The following PCDH9 variants were observed in gnomAD, a reference collection of about 807,000 sequenced individuals.
The protein encoded by PCDH9 is protocadherin 9, also known as protocadherin-9.
In PCDH9, 24 loss-of-function variants were observed where a neutral mutation model predicts 70.6. That is an observed-to-expected ratio of 0.34 (90% CI 0.25 to 0.48). The LOEUF is 0.48. Among genes scored for constraint, PCDH9 ranks in the 20% least tolerant of loss-of-function variants. PCDH9 has a pLI of 0.99. For synonymous variants in PCDH9, 562 were observed against 558.5 expected, an observed-to-expected ratio of 1.01 and a Z score of -0.09; for missense variants, 1,281 against 1,503.6, an observed-to-expected ratio of 0.85 and a Z score of 2.45.
intron 2 of PCDH9, among the ~76,000 whole-genome samples, chr13:67,069,416 T>C (rs2085714096): frequency 6.6e-6 from 1 of 152,208 alleles, no homozygotes; most frequent in Non-Finnish European, 1.5e-5. Context: ...TTTGAAATTC[T>C]ATTCACCTGT....
chr13:66,637,923 A>C (rs1482766553), intron 3 of PCDH9, among the ~76,000 whole-genome samples: 1 of 152,168 alleles, frequency 6.6e-6, no homozygotes, highest in Non-Finnish European at 1.5e-5. Context: ...CAAAAAAAAA[A>C]AAAAGAAATT....
rs1252438786 is a variant in PCDH9, at chr13:66,310,932, C to T, written c.3341-5904G>A. Among the ~76,000 whole-genome samples the T allele has an allele frequency of 2.6e-5, 4 of 151,904 alleles. No homozygotes were observed. In the South Asian group the frequency reaches 6.2e-4, roughly 24 times the overall value. ...ACTATTTTTATGCAAAACGTTTGTT[C>T]CTAAGTTCCAATTTCACTGTATTTC... On this transcript the variant is annotated intron_variant, in intron 4 of 4. Coordinates refer to ENST00000377865, the MANE Select transcript of PCDH9 (RefSeq NM_203487.3).
At chr13:66,927,206 T>TA (rs1431757752) in intron 2 of PCDH9, among the ~76,000 whole-genome samples, 2 of 151,962 alleles carry the variant, frequency 1.3e-5, no homozygotes, top group South Asian at 4.1e-4. Flanking sequence ...ACCGGTGGCT[T>TA]AAAAAACAAA....
intron 4 of PCDH9, among the ~76,000 whole-genome samples, chr13:66,424,848 A>G (rs999725015): frequency 3.9e-5 from 6 of 151,922 alleles, no homozygotes; most frequent in Admixed American, 3.9e-4. Context: ...CTTTTGAATG[A>G]TTTTGGTAAC....
At chr13:67,168,731 G>A (rs143467750) in intron 2 of PCDH9, among the ~76,000 whole-genome samples, 1,739 of 152,228 alleles carry the variant, frequency 0.011, 17 homozygotes, top group Admixed American at 0.029. Context: ...CAAGATCCTG[G>A]CTCCAAGTAA....
chr13:66,624,440 A>C (rs866808946), intron 4 of PCDH9, among the ~76,000 whole-genome samples: 1 of 152,224 alleles, frequency 6.6e-6, no homozygotes, highest in Non-Finnish European at 1.5e-5. Context: ...CTTCATTTGT[A>C]GGGCAGTTGA....
chr13:66,776,996 C>T (rs1198037437), intron 3 of PCDH9, among the ~76,000 whole-genome samples: 9 of 151,580 alleles, frequency 5.9e-5, no homozygotes, highest in Non-Finnish European at 1.2e-4. Context: ...ACTATCTGAT[C>T]TTTGACAAAC....
intron 4 of PCDH9, among the ~76,000 whole-genome samples, chr13:66,622,279 C>G (rs533288294): frequency 6.6e-6 from 1 of 152,324 alleles, no homozygotes; most frequent in East Asian, 1.9e-4. Context: ...ACGAGTGCAG[C>G]CCCCTGCTCC....
At chr13:66,612,931 T>G (rs754139649) in intron 4 of PCDH9, among the ~76,000 whole-genome samples, 1 of 152,120 alleles carries the variant, frequency 6.6e-6, no homozygotes, top group Non-Finnish European at 1.5e-5. Flanking sequence ...CCATCTTTAG[T>G]TGAACTAAGG....
intron 2 of PCDH9, among the ~76,000 whole-genome samples, chr13:67,189,062 T>C (rs1312665465): frequency 6.6e-6 from 1 of 151,972 alleles, no homozygotes; most frequent in Non-Finnish European, 1.5e-5. Flanking sequence ...ATTCCTGAGT[T>C]ACTTCACTTA....
chr13:66,760,384 A>G (rs2079605455), intron 3 of PCDH9, among the ~76,000 whole-genome samples: 1 of 152,080 alleles, frequency 6.6e-6, no homozygotes, highest in South Asian at 2.1e-4. Flanking sequence ...GAAGTCAGGG[A>G]CCCCAAACAG....
intron 3 of PCDH9, among the ~76,000 whole-genome samples, chr13:66,642,890 C>A (rs574565610): frequency 6.6e-6 from 1 of 151,876 alleles, no homozygotes; most frequent in Non-Finnish European, 1.5e-5. Context: ...TGCATAATTT[C>A]TGTTCTTTAA....
At chr13:66,490,161 T>C (rs1959010072) in intron 4 of PCDH9, among the ~76,000 whole-genome samples, 1 of 152,192 alleles carries the variant, frequency 6.6e-6, no homozygotes, top group Non-Finnish European at 1.5e-5. Context: ...TTTTCTGACT[T>C]CTCGAGGAGA....
At chr13:66,824,686 A>C (rs1203153493) in intron 3 of PCDH9, among the ~76,000 whole-genome samples, 1 of 56,558 alleles carries the variant, frequency 1.8e-5, no homozygotes, top group African/African-American at 4.4e-5. Context: ...ATATATATAT[A>C]TATATATATA....
intron 3 of PCDH9, among the ~76,000 whole-genome samples, chr13:66,867,240 T>A (rs1418048543): frequency 6.6e-6 from 1 of 152,176 alleles, no homozygotes; most frequent in Admixed American, 6.5e-5. Context: ...CCCATTATAC[T>A]ATTTCCCAGT....
intron 4 of PCDH9, among the ~76,000 whole-genome samples, chr13:66,351,142 T>C (rs1266284812): frequency 6.6e-6 from 1 of 152,114 alleles, no homozygotes; most frequent in Admixed American, 6.6e-5. Flanking sequence ...TACTAAATAC[T>C]TTACTTTTTT....
chr13:66,372,468 A>G (rs979222735), intron 4 of PCDH9, among the ~76,000 whole-genome samples: 2 of 151,746 alleles, frequency 1.3e-5, no homozygotes, highest in South Asian at 2.1e-4. Flanking sequence ...AGTGAAGGAT[A>G]TATTTCTGAA....
chr13:67,087,373 T>A (rs1185391601), intron 2 of PCDH9, among the ~76,000 whole-genome samples: 1 of 152,074 alleles, frequency 6.6e-6, no homozygotes, highest in Admixed American at 6.6e-5. Flanking sequence ...ATAAATCTTC[T>A]TAGTACCAGT....
At chr13:67,006,408 T>A (rs2084356623) in intron 2 of PCDH9, among the ~76,000 whole-genome samples, 1 of 152,220 alleles carries the variant, frequency 6.6e-6, no homozygotes, top group Non-Finnish European at 1.5e-5. Flanking sequence ...TGGTTCTGAA[T>A]CTTGGCTGAA....
Sources: allele counts gnomAD v4.1 joint callset (sites outside exome capture counted in the v4.1 genomes callset), GRCh38; gene constraint gnomAD v4.1.1; transcripts MANE v1.5; gene names NCBI Gene and HGNC (gene_info 2026-07-23, HGNC 2026-07-21).